Variants in SHLD1 observed in about 807,000 individuals in gnomAD.
SHLD1 encodes RINN1-REV7-interacting novel NHEJ regulator 3.
SHLD1 carries 3 observed loss-of-function variants against 5.5 expected under a neutral mutation model. The observed-to-expected ratio is 0.54, with a 90% confidence interval of 0.25 to 1.40. The LOEUF (loss-of-function observed/expected upper bound fraction) is 1.40, where lower values mean the gene tolerates loss of function less well. Among genes scored for constraint, SHLD1 ranks in the 40% most tolerant of loss-of-function variants. The pLI, the probability that SHLD1 is intolerant of heterozygous loss-of-function variation, is 0.15. For missense variants in SHLD1, 210 were observed against 244.4 expected, an observed-to-expected ratio of 0.86 and a Z score of 0.94; for synonymous variants, 92 against 94.3, an observed-to-expected ratio of 0.98 and a Z score of 0.14.
chr20:5,863,062 A>G lies in SHLD1; in HGVS notation c.217A>G (p.Thr73Ala). ...NLNIEQNNSW[T>A]AENFWLDPAV... The stretch of plus-strand genomic sequence containing the variant: ...AAATATAGAACAAAATAACTCCTGG[A>G]CCGCTGAGAACTTCTGGCTTGACCC... The change falls in exon 3 of 3, where the codon ACC (threonine) becomes GCC (alanine). Residue 73 changes from threonine (T) to alanine (A), a missense_variant. Physicochemically the swap from Thr to Ala is moderately conservative, Grantham distance 58. Coordinates refer to ENST00000303142, the MANE Select transcript of SHLD1 (RefSeq NM_152504.4). 3 of 1,613,300 alleles carry G rather than the reference A, an allele frequency of 1.9e-6. No individual in the cohort carries two copies. The highest frequency in any genetic ancestry group is 1.7e-6 in the Non-Finnish European group (2 of 1,179,654).
intron 2 of SHLD1, among the ~76,000 whole-genome samples, chr20:5,849,598 T>C (rs1272810776): frequency 6.6e-6 from 1 of 152,236 alleles, no homozygotes; most frequent in Non-Finnish European, 1.5e-5. Context: ...TGTGTCATAA[T>C]ACATGTATAC....
At chr20:5,807,044 T>C (rs1425145739) in intron 2 of SHLD1, among the ~76,000 whole-genome samples, 1 of 152,240 alleles carries the variant, frequency 6.6e-6, no homozygotes, top group East Asian at 1.9e-4. Context: ...TGCCCACTGC[T>C]TTCAGCTGGA....
At chr20:5,840,721 C>T (rs144610572) in intron 2 of SHLD1, among the ~76,000 whole-genome samples, 165 of 152,274 alleles carry the variant, frequency 1.1e-3, no homozygotes, top group African/African-American at 3.9e-3. Context: ...GCCTAAAGTC[C>T]ATTTCTGCAG....
chr20:5,763,304 A>AAG (rs561836698), intron 1 of SHLD1, among the ~76,000 whole-genome samples: 2,592 of 151,304 alleles, frequency 0.017, 23 homozygotes, highest in Non-Finnish European at 0.027. Context: ...AAAAAAAAAA[A>AAG]AAAAAAAAGA....
chr20:5,815,510 C>T (rs1056116098), intron 2 of SHLD1, among the ~76,000 whole-genome samples: 4 of 152,168 alleles, frequency 2.6e-5, no homozygotes, highest in Non-Finnish European at 5.9e-5. Context: ...AATTCTGACC[C>T]TATGCCTGTT....
rs2088198715 is a variant in SHLD1, at chr20:5,864,093, A to C, written c.*630A>C. ...CCTAAAATAATATAAAGATTGAAAT[A>C]CAGTTGAGAAAAGTATATCACATCT... On this transcript the variant is annotated 3_prime_UTR_variant, in exon 3 of 3. Transcript: ENST00000303142. 6.6e-6 allele frequency among the ~76,000 whole-genome samples: 1 copy of C among 152,186 alleles called. No homozygotes were observed. Among genetic ancestry groups the C allele is most frequent in the Admixed American group, 6.5e-5 (1 of 15,286 alleles).
At chr20:5,833,238 ATATT>A (rs960315987) in intron 2 of SHLD1, among the ~76,000 whole-genome samples, 3 of 152,140 alleles carry the variant, frequency 2.0e-5, no homozygotes, top group East Asian at 1.9e-4. Flanking sequence ...GACTCCTGAA[ATATT>A]TATTTGTTTT....
At chr20:5,781,254 C>T (rs1311659387) in intron 2 of SHLD1, among the ~76,000 whole-genome samples, 5 of 152,198 alleles carry the variant, frequency 3.3e-5, no homozygotes, top group South Asian at 2.1e-4. Context: ...TTCCTGAGAG[C>T]GAGTGCAGAG....
chr20:5,829,419 A>G (rs1286229340), intron 2 of SHLD1, among the ~76,000 whole-genome samples: 1 of 151,854 alleles, frequency 6.6e-6, no homozygotes, highest in Non-Finnish European at 1.5e-5. Flanking sequence ...TATGAAGCTT[A>G]TATACTGGAG....
chr20:5,796,017 TATC>T (rs1205155082), intron 2 of SHLD1, among the ~76,000 whole-genome samples: 2 of 151,414 alleles, frequency 1.3e-5, no homozygotes, highest in Non-Finnish European at 2.9e-5. Context: ...AGAAAGAAAA[TATC>T]ATCTATTCCG....
Position 5,822,012 on chromosome 20 carries a change from T to C in SHLD1, c.179-41012T>C, listed in dbSNP as rs73596834. ...GGGGACCACCTGAGGGTGTGAGTGC[T>C]AGGAGGTGAGGAGCCATCCTGGATG... On this transcript the variant is annotated intron_variant, in intron 2 of 2. Transcript: ENST00000303142. Among the ~76,000 whole-genome samples, 1,159 of 152,210 alleles carry C rather than the reference T, an allele frequency of 7.6e-3. 8 individuals are homozygous for C. Among genetic ancestry groups the C allele is most frequent in the African/African-American group, 0.027 (1,124 of 41,532 alleles).
chr20:5,815,495 G>A (rs2087517672), intron 2 of SHLD1, among the ~76,000 whole-genome samples: 1 of 152,174 alleles, frequency 6.6e-6, no homozygotes, highest in Admixed American at 6.5e-5. Context: ...TCTGGCCTGT[G>A]GACCAATTCT....
At chr20:5,805,129 T>G (rs1337416610) in intron 2 of SHLD1, among the ~76,000 whole-genome samples, 1 of 151,446 alleles carries the variant, frequency 6.6e-6, no homozygotes, top group East Asian at 1.9e-4. Flanking sequence ...TTTCCCCTCC[T>G]TAATCTTCTT....
rs1048596277 is a variant in SHLD1 at position 5,818,185 on chromosome 20, C to T, written c.179-44839C>T. On this transcript the variant is annotated intron_variant, in intron 2 of 2. Coordinates refer to ENST00000303142, the MANE Select transcript of SHLD1 (RefSeq NM_152504.4). ...CTGCCTCCCAGGTTCAAGCGATTCTCCTGCCTCAGCCTCCCAAGTAGCTGG... is the reference window on the plus strand; with the variant it reads ...CTGCCTCCCAGGTTCAAGCGATTCTTCTGCCTCAGCCTCCCAAGTAGCTGG... Among the ~76,000 whole-genome samples, 3 of 151,968 alleles carry T rather than the reference C, an allele frequency of 2.0e-5. No homozygotes were observed. The South Asian group carries it at 6.2e-4, about 32-fold the overall frequency.
chr20:5,773,230 A>G, intron 2 of SHLD1, 187 bp downstream of exon 2: 1 of 728,462 alleles, frequency 1.4e-6, no homozygotes, highest in Non-Finnish European at 2.5e-6. Context: ...CTGGCACAGC[A>G]ATGACAAGGA....
At chr20:5,758,951 G>GTTTTT (rs903234621) in intron 1 of SHLD1, among the ~76,000 whole-genome samples, 6 of 127,198 alleles carry the variant, frequency 4.7e-5, no homozygotes, top group Non-Finnish European at 6.7e-5. Context: ...TTCTTGACAA[G>GTTTTT]TTTTTTTTTT....
At chr20:5,768,809 G>T (rs1453743913) in intron 1 of SHLD1, among the ~76,000 whole-genome samples, 1 of 151,948 alleles carries the variant, frequency 6.6e-6, no homozygotes, top group Admixed American at 6.6e-5. Flanking sequence ...ATGCACGTGG[G>T]CACATTGGCT....
At chr20:5,822,785 G>A (rs1196668905) in intron 2 of SHLD1, among the ~76,000 whole-genome samples, 1 of 151,500 alleles carries the variant, frequency 6.6e-6, no homozygotes, top group African/African-American at 2.4e-5. Context: ...CTCATTCTTG[G>A]CTACATACAA....
intron 2 of SHLD1, among the ~76,000 whole-genome samples, chr20:5,805,278 C>T (rs2087357255): frequency 6.6e-6 from 1 of 152,052 alleles, no homozygotes; most frequent in Non-Finnish European, 1.5e-5. Context: ...CTGCCTCAGC[C>T]TCCCAAGTAG....
Sources: gnomAD v4.1 joint callset for allele counts (sites outside exome capture counted in the v4.1 genomes callset) on GRCh38, gnomAD v4.1.1 for gene constraint, MANE v1.5 for transcripts, NCBI Gene and HGNC (gene_info 2026-07-23, HGNC 2026-07-21) for gene names.